Variants in RNF17 observed in about 807,000 individuals in gnomAD.
RNF17 encodes spermatogenesis associated 23.
A neutral mutation model predicts 200.5 loss-of-function variants in RNF17; 31 were observed. The observed-to-expected ratio is 0.15, with a 90% CI of 0.12 to 0.21. The LOEUF (loss-of-function observed/expected upper bound fraction) is 0.21. Ranked by LOEUF, RNF17 falls within the 10% of genes least tolerant of loss-of-function variation. The pLI, the probability that RNF17 is intolerant of heterozygous loss-of-function variation, is 1.00. For missense variants in RNF17, 1,628 were observed against 1,905.1 expected (o/e 0.85, Z 2.71); for synonymous variants, 606 against 637.8 (o/e 0.95, Z 0.75).
chr13:24,818,842 A>C (rs542867815), intron 15 of RNF17, among the ~76,000 whole-genome samples: 1 of 152,114 alleles, frequency 6.6e-6, no homozygotes, highest in African/African-American at 2.4e-5. Flanking sequence ...TAATTCTGCC[A>C]ATCTTTGTCT....
At chr13:24,775,476 C>T (rs1033411283) in intron 3 of RNF17, among the ~76,000 whole-genome samples, 5 of 152,096 alleles carry the variant, frequency 3.3e-5, no homozygotes, top group African/African-American at 1.2e-4. Context: ...GTCTCAAACT[C>T]CTGGCTTTAA....
At chr13:24,881,813 T>TATCTA (rs1953830403), downstream of RNF17, among the ~76,000 whole-genome samples, 1 of 98,316 alleles carries the variant, frequency 1.0e-5, no homozygotes, top group South Asian at 3.1e-4. Flanking sequence ...TCTAGATATC[T>TATCTA]ATCTATATAG....
At chr13:24,784,608 T>C (rs1882849621) in intron 6 of RNF17, among the ~76,000 whole-genome samples, 1 of 152,216 alleles carries the variant, frequency 6.6e-6, no homozygotes. Flanking sequence ...CACCTAGTTA[T>C]ATAATTTGTG....
chr13:24,872,892 TA>T (rs1449218176), intron 32 of RNF17, among the ~76,000 whole-genome samples: 2 of 152,116 alleles, frequency 1.3e-5, no homozygotes, highest in African/African-American at 4.8e-5. Flanking sequence ...AGCCATGAAC[TA>T]AATAGAGGGA....
rs143368954 is a variant in RNF17 at position 24,870,711 on chromosome 13, G to A, written c.4419G>A (p.Ala1473=). Residue 1473 remains alanine, a synonymous_variant, in exon 32 of 36, where the codon GCG becomes GCA. Transcript: ENST00000255324. ...ALQRVNKKVE[A]LPPLTDFRTE... ...AGAGGGTTAATAAGAAGGTAGAGGCGCTTCCTCCTCTGACGGATTTTAGAA... is the reference window on the plus strand; with the variant it reads ...AGAGGGTTAATAAGAAGGTAGAGGCACTTCCTCCTCTGACGGATTTTAGAA... The A allele has an allele frequency of 5.2e-5, 84 of 1,614,004 alleles. No homozygotes were observed. The African/African-American group carries it at 7.7e-4, about 15-fold the overall frequency.
At chr13:24,808,189 A>T (rs1416826664) in intron 15 of RNF17, among the ~76,000 whole-genome samples, 1 of 151,766 alleles carries the variant, frequency 6.6e-6, no homozygotes, top group African/African-American at 2.4e-5. Context: ...GAAGAAAGTC[A>T]TTGGTAGCTT....
At chr13:24,783,191 A>C (rs1882664088) in intron 6 of RNF17, among the ~76,000 whole-genome samples, 1 of 152,218 alleles carries the variant, frequency 6.6e-6, no homozygotes, top group Non-Finnish European at 1.5e-5. Context: ...CTTGTCAAAA[A>C]TGAGCTCACC....
At chr13:24,815,443 G>A (rs1887274721) in intron 15 of RNF17, among the ~76,000 whole-genome samples, 4 of 87,098 alleles carry the variant, frequency 4.6e-5, no homozygotes, top group African/African-American at 1.5e-4. Flanking sequence ...GTGTGTGTGT[G>A]TGTGTGTGTG....
intron 25 of RNF17, among the ~76,000 whole-genome samples, chr13:24,857,643 T>C (rs763458786): frequency 8.7e-4 from 132 of 152,342 alleles, no homozygotes; most frequent in Non-Finnish European, 1.3e-3. Context: ...GGCTTACGCC[T>C]GTAATCTCAG....
At chr13:24,801,147 C>T (rs1482034764) in intron 13 of RNF17, among the ~76,000 whole-genome samples, 3 of 152,066 alleles carry the variant, frequency 2.0e-5, no homozygotes, top group Non-Finnish European at 4.4e-5. Context: ...AATAGCAGCA[C>T]TGGTGTTTTC....
At chr13:24,811,440 C>A (rs1269464109) in intron 15 of RNF17, among the ~76,000 whole-genome samples, 1 of 152,184 alleles carries the variant, frequency 6.6e-6, no homozygotes, top group Non-Finnish European at 1.5e-5. Flanking sequence ...GCATCGGCTG[C>A]TGAGGCTTCT....
rs755170462 is a variant in RNF17, at chr13:24,767,286, C to T, written c.145C>T (p.Leu49Phe). Residue 49 changes from leucine (L) to phenylalanine (F), a missense_variant, in exon 2 of 36, where the codon CTT becomes TTT. By Grantham distance (22) the Leu-to-Phe change is conservative. Coordinates refer to ENST00000255324, the MANE Select transcript of RNF17 (RefSeq NM_031277.3). Reference sequence around the variant, plus strand: ...TTCATCAATAGGTCACCATTGTGAACTTCAATGTGGACATGCTTTTTGTGA... The same window carrying T: ...TTCATCAATAGGTCACCATTGTGAATTTCAATGTGGACATGCTTTTTGTGA... The part of the protein sequence containing the change: ...VSRSSGHHCE[L>F]QCGHAFCELC... 5 of 1,604,118 alleles carry T rather than the reference C, an allele frequency of 3.1e-6. No homozygotes were observed. Among genetic ancestry groups the T allele is most frequent in the African/African-American group, 2.7e-5 (2 of 74,806 alleles).
At chr13:24,758,063 G>C in the RNF17 span, among the ~76,000 whole-genome samples, 57 of 152,188 alleles carry the variant, frequency 3.7e-4, no homozygotes, top group South Asian at 4.1e-4. Context: ...CACCATGATT[G>C]TAAGTTGCCT....
intron 15 of RNF17, among the ~76,000 whole-genome samples, chr13:24,811,597 G>A (rs922059022): frequency 3.2e-4 from 48 of 151,988 alleles, no homozygotes; most frequent in African/African-American, 9.2e-4. Flanking sequence ...ATGTCCTCCC[G>A]TAGCTCGGAG....
In RNF17 at chr13:24,802,372, C is replaced by G; in HGVS notation, c.1759-9C>G. 6.2e-7 allele frequency: 1 copy of G among 1,601,390 alleles called. No individual in the cohort carries two copies. Among genetic ancestry groups the G allele is most frequent in the East Asian group, 2.2e-5 (1 of 44,762 alleles). On this transcript the variant is annotated splice_polypyrimidine_tract_variant and intron_variant, in intron 13 of 35. Transcript: ENST00000255324. ...ATTAATTACTATGGAATTTTACTTT[C>G]TTGCACAGAATGAAGGCTGGGAAGA...
At chr13:24,834,409 C>A (rs1358981369) in intron 18 of RNF17, among the ~76,000 whole-genome samples, 1 of 127,488 alleles carries the variant, frequency 7.8e-6, no homozygotes, top group African/African-American at 3.0e-5. Flanking sequence ...AGCGAGACTT[C>A]ATCTCAAATT....
At chr13:24,754,214 T>G in the RNF17 span, among the ~76,000 whole-genome samples, 3 of 151,862 alleles carry the variant, frequency 2.0e-5, no homozygotes, top group Non-Finnish European at 2.9e-5. Context: ...AAAAAGAAAT[T>G]ATTAAAACTG....
downstream of RNF17, among the ~76,000 whole-genome samples, chr13:24,883,613 C>T (rs1333570441): frequency 6.6e-6 from 1 of 152,080 alleles, no homozygotes; most frequent in African/African-American, 2.4e-5. Flanking sequence ...CTTTTTTCAA[C>T]TTGTGTTCTT....
chr13:24,789,679 T>C lies in RNF17; in HGVS notation c.861-19T>C. On this transcript the variant is annotated intron_variant, in intron 8 of 35. Coordinates refer to ENST00000255324, the MANE Select transcript of RNF17 (RefSeq NM_031277.3). ...ATTTGTATTAGAACATTTATGTATA[T>C]GTTAATGTTTTATTATAGGTTGAGT... is the stretch of plus-strand genomic sequence containing the variant. The C allele has an allele frequency of 6.9e-7, 1 of 1,452,338 alleles. No homozygotes were observed. The highest frequency in any genetic ancestry group is 9.7e-7 in the Non-Finnish European group (1 of 1,035,182). The allele number at this position is 1,452,338 out of a possible 1,614,324, so 90.0% of individuals were successfully genotyped here.
Sources: allele counts gnomAD v4.1 joint callset (sites outside exome capture counted in the v4.1 genomes callset), GRCh38; gene constraint gnomAD v4.1.1; transcripts MANE v1.5; gene names NCBI Gene and HGNC (gene_info 2026-07-23, HGNC 2026-07-21).